The following TAFA5 variants were observed in gnomAD, a reference collection of about 807,000 sequenced individuals.
The protein encoded by TAFA5 is TAFA chemokine like family member 5.
Under a neutral mutation model 15.3 loss-of-function variants are expected in TAFA5, and 6 were observed. That is an observed-to-expected ratio of 0.39 (90% CI 0.21 to 0.77). The LOEUF (loss-of-function observed/expected upper bound fraction) is 0.77, where lower values mean the gene tolerates loss of function less well. Among genes scored for constraint, TAFA5 ranks in the 30% least tolerant of loss-of-function variants. The probability of loss-of-function intolerance (pLI) is 0.41; values close to 1 mark genes in which losing one functional copy is unlikely to be tolerated. For synonymous variants in TAFA5, 103 were observed against 80.7 expected (o/e 1.28, Z -1.48); for missense variants, 161 against 193.1 (o/e 0.83, Z 0.98).
intron 1 of TAFA5, among the ~76,000 whole-genome samples, chr22:48,625,844 A>G (rs1034823711): frequency 1.3e-5 from 2 of 152,184 alleles, no homozygotes; most frequent in African/African-American, 4.8e-5. Flanking sequence ...GGGTCCAACT[A>G]TTCATTCCTC....
At chr22:48,559,265 C>A (rs1388158893) in intron 1 of TAFA5, among the ~76,000 whole-genome samples, 1 of 152,192 alleles carries the variant, frequency 6.6e-6, no homozygotes, top group Non-Finnish European at 1.5e-5. Context: ...GATTTTGGGA[C>A]CCATGGCGGT....
chr22:48,604,992 TGAG>T (rs1177291483), intron 1 of TAFA5, among the ~76,000 whole-genome samples: 2 of 151,390 alleles, frequency 1.3e-5, no homozygotes, highest in East Asian at 3.9e-4. Context: ...GTGATGGCAA[TGAG>T]GAGATCTTGG....
At chr22:48,507,631 G>A (rs1186039074) in intron 1 of TAFA5, among the ~76,000 whole-genome samples, 1 of 152,188 alleles carries the variant, frequency 6.6e-6, no homozygotes, top group Non-Finnish European at 1.5e-5. Flanking sequence ...TTCCCCATGG[G>A]GCCTCATTCA....
chr22:48,511,839 C>T (rs180817371), intron 1 of TAFA5, among the ~76,000 whole-genome samples: 61 of 152,352 alleles, frequency 4.0e-4, no homozygotes, highest in African/African-American at 1.4e-3. Context: ...GTGCCTGGTG[C>T]GTCCCCCGAA....
At chr22:48,586,168 G>A (rs1055402129) in intron 1 of TAFA5, among the ~76,000 whole-genome samples, 1 of 152,278 alleles carries the variant, frequency 6.6e-6, no homozygotes, top group Non-Finnish European at 1.5e-5. Context: ...GTGTGGCCCA[G>A]TGAGGTCAAG....
At chr22:48,541,468 T>A (rs555722862) in intron 1 of TAFA5, among the ~76,000 whole-genome samples, 1 of 152,182 alleles carries the variant, frequency 6.6e-6, no homozygotes, top group Non-Finnish European at 1.5e-5. Context: ...TCATTCTTTG[T>A]GGAGTCTGCC....
intron 1 of TAFA5, among the ~76,000 whole-genome samples, chr22:48,574,384 A>G (rs1174429185): frequency 1.3e-5 from 2 of 152,172 alleles, no homozygotes; most frequent in African/African-American, 2.4e-5. Context: ...CAGGTCAGGC[A>G]GACAGCATCA....
At chr22:48,584,269 CCA>C (rs568489331) in intron 1 of TAFA5, among the ~76,000 whole-genome samples, 17 of 104,274 alleles carry the variant, frequency 1.6e-4, no homozygotes, top group South Asian at 3.0e-4. Context: ...ACATCACACA[CCA>C]CACACACACA....
At chr22:48,738,181 G>A (rs866080416) in intron 3 of TAFA5, among the ~76,000 whole-genome samples, 3 of 152,190 alleles carry the variant, frequency 2.0e-5, no homozygotes, top group South Asian at 2.1e-4. Context: ...ACTGGGAGCC[G>A]AGCACGGGGA....
At chr22:48,650,011 T>G (rs1449485744) in intron 2 of TAFA5, among the ~76,000 whole-genome samples, 2 of 152,168 alleles carry the variant, frequency 1.3e-5, no homozygotes, top group East Asian at 3.9e-4. Flanking sequence ...CCAAACAAAT[T>G]AGTTAGCTTA....
At chr22:48,630,420 G>T (rs778644376) in intron 1 of TAFA5, among the ~76,000 whole-genome samples, 1 of 152,180 alleles carries the variant, frequency 6.6e-6, no homozygotes, top group Non-Finnish European at 1.5e-5. Context: ...CTGCTGCCTC[G>T]GCCCTGGCTT....
At chr22:48,537,674 C>T (rs1456158907) in intron 1 of TAFA5, among the ~76,000 whole-genome samples, 1 of 152,232 alleles carries the variant, frequency 6.6e-6, no homozygotes, top group South Asian at 2.1e-4. Context: ...GCCCAGCAGG[C>T]ACTGCAGCCA....
intron 2 of TAFA5, among the ~76,000 whole-genome samples, chr22:48,650,183 T>C (rs1601643228): frequency 6.6e-6 from 1 of 152,188 alleles, no homozygotes; most frequent in Non-Finnish European, 1.5e-5. Flanking sequence ...GGTGTTGGAA[T>C]TGAATGTGAG....
intron 1 of TAFA5, among the ~76,000 whole-genome samples, chr22:48,602,596 G>A (rs113431736): frequency 1.6e-3 from 239 of 152,282 alleles, no homozygotes; most frequent in Non-Finnish European, 2.3e-3. Flanking sequence ...CGTTTTCTGC[G>A]ACGTGGGCCC....
chr22:48,646,225 C>T (rs145804365), intron 1 of TAFA5, among the ~76,000 whole-genome samples: 4 of 152,306 alleles, frequency 2.6e-5, no homozygotes, highest in East Asian at 3.9e-4. Context: ...TCGTACAGCC[C>T]GGCTTCTCTC....
chr22:48,656,232 C>T (rs896393714), intron 2 of TAFA5, among the ~76,000 whole-genome samples: 2 of 151,962 alleles, frequency 1.3e-5, no homozygotes, highest in African/African-American at 4.8e-5. Flanking sequence ...CACCAGATTG[C>T]GAGAACCATG....
chr22:48,712,992 C>T (rs1457185154), intron 3 of TAFA5, among the ~76,000 whole-genome samples: 2 of 152,210 alleles, frequency 1.3e-5, no homozygotes, highest in Non-Finnish European at 2.9e-5. Context: ...GAAATATTCT[C>T]ATCAGTGTTT....
At chr22:48,502,647 G>A (rs986655602) in intron 1 of TAFA5, among the ~76,000 whole-genome samples, 2 of 150,700 alleles carry the variant, frequency 1.3e-5, no homozygotes, top group African/African-American at 4.9e-5. Flanking sequence ...TCAGCCTCCC[G>A]AGTAGCTGAG....
chr22:48,714,407 G>A (rs989540667), intron 3 of TAFA5, among the ~76,000 whole-genome samples: 2 of 152,158 alleles, frequency 1.3e-5, no homozygotes, highest in Non-Finnish European at 2.9e-5. Flanking sequence ...CAGTGCTGAC[G>A]GCCTCCTCCC....
Sources: allele counts gnomAD v4.1 joint callset (sites outside exome capture counted in the v4.1 genomes callset), GRCh38; gene constraint gnomAD v4.1.1; transcripts MANE v1.5; gene names NCBI Gene and HGNC (gene_info 2026-07-23, HGNC 2026-07-21).